CDH4: variants seen among roughly 807,000 people sequenced by gnomAD.
The protein encoded by CDH4 is cadherin-4.
CDH4 carries 33 observed loss-of-function variants against 86.0 expected under a neutral mutation model. That is an observed-to-expected ratio of 0.38 (90% CI 0.29 to 0.51). CDH4 has a LOEUF of 0.51. Ranked by LOEUF, CDH4 falls within the 20% of genes least tolerant of loss-of-function variation. The pLI is 0.86. For missense variants in CDH4, 1,114 were observed against 1,307.4 expected, an observed-to-expected ratio of 0.85 and a Z score of 2.28; for synonymous variants, 555 against 549.4, an observed-to-expected ratio of 1.01 and a Z score of -0.14.
chr20:61,913,198 G>A (rs2054869723), intron 9 of CDH4, among the ~76,000 whole-genome samples: 1 of 152,158 alleles, frequency 6.6e-6, no homozygotes, highest in Non-Finnish European at 1.5e-5. Context: ...TTCTGTAGCT[G>A]GAGCACACAC....
intron 5 of CDH4, among the ~76,000 whole-genome samples, chr20:61,847,754 A>AGG: frequency 6.6e-6 from 1 of 152,142 alleles, no homozygotes; most frequent in Non-Finnish European, 1.5e-5. Context: ...GAGAAAGTGA[A>AGG]GGGGAGCAGA....
intron 2 of CDH4, among the ~76,000 whole-genome samples, chr20:61,394,288 C>T (rs2145470192): frequency 6.6e-6 from 1 of 152,280 alleles, no homozygotes; most frequent in East Asian, 1.9e-4. Context: ...GCATCTCCTG[C>T]CATCCAGGAC....
At chr20:61,761,497 G>T (rs908831497) in intron 3 of CDH4, among the ~76,000 whole-genome samples, 1 of 152,178 alleles carries the variant, frequency 6.6e-6, no homozygotes, top group African/African-American at 2.4e-5. Context: ...GTGTGTGTGT[G>T]GCTGGGGTCA....
At chr20:61,382,240 T>C (rs1048877192) in intron 2 of CDH4, among the ~76,000 whole-genome samples, 4 of 152,218 alleles carry the variant, frequency 2.6e-5, no homozygotes, top group Admixed American at 6.5e-5. Flanking sequence ...TTGATGCCTA[T>C]TGACTGCCTG....
chr20:61,615,487 A>G (rs2086718054), intron 2 of CDH4, among the ~76,000 whole-genome samples: 1 of 152,240 alleles, frequency 6.6e-6, no homozygotes, highest in South Asian at 2.1e-4. Flanking sequence ...GAAGCATCAG[A>G]GTGCCCACGT....
chr20:61,325,482 G>T (rs955210082), intron 2 of CDH4, among the ~76,000 whole-genome samples: 1 of 151,976 alleles, frequency 6.6e-6, no homozygotes, highest in African/African-American at 2.4e-5. Context: ...TTTCTTGAGA[G>T]ATGTCAGAAC....
At chr20:61,567,320 C>T (rs1047045447) in intron 2 of CDH4, among the ~76,000 whole-genome samples, 16 of 152,168 alleles carry the variant, frequency 1.1e-4, no homozygotes, top group African/African-American at 3.6e-4. Flanking sequence ...TTAGAAATAA[C>T]AGAAATGTAC....
intron 3 of CDH4, among the ~76,000 whole-genome samples, chr20:61,770,322 T>C (rs576881148): frequency 1.3e-5 from 2 of 152,334 alleles, no homozygotes; most frequent in Admixed American, 1.3e-4. Context: ...GGGCAGCCTG[T>C]GGTCAGATGC....
At chr20:61,637,117 G>C (rs545726729) in intron 2 of CDH4, among the ~76,000 whole-genome samples, 1 of 152,310 alleles carries the variant, frequency 6.6e-6, no homozygotes, top group South Asian at 2.1e-4. Flanking sequence ...TTTTCTTCAA[G>C]TTCTGCTTTT....
At chr20:61,936,425 C>A (rs1395138187) in intron 15 of CDH4, among the ~76,000 whole-genome samples, 1 of 52,412 alleles carries the variant, frequency 1.9e-5, no homozygotes, top group Non-Finnish European at 3.8e-5. Flanking sequence ...CACACCCCCC[C>A]CCCCATCTGC....
chr20:61,645,005 C>T (rs1035681290), intron 2 of CDH4, among the ~76,000 whole-genome samples: 4 of 152,204 alleles, frequency 2.6e-5, no homozygotes, highest in East Asian at 3.8e-4. Context: ...GCTCACATGG[C>T]GGGCGAGCTC....
In CDH4 at chr20:61,332,317, C is replaced by G. The variant is rs928243175; in HGVS notation, c.169+77380C>G. Among the ~76,000 whole-genome samples, 7 of 152,322 alleles carry G rather than the reference C, an allele frequency of 4.6e-5. No individual in the cohort carries two copies. In the South Asian group the frequency reaches 1.4e-3, roughly 32 times the overall value. Reference sequence around the variant, plus strand: ...GGCTATGGATTCAGAGCTGGCCAAGCCAGGCTGTTTCCCTAGAGAGTCCGG... The same window carrying G: ...GGCTATGGATTCAGAGCTGGCCAAGGCAGGCTGTTTCCCTAGAGAGTCCGG... On this transcript the variant is annotated intron_variant, in intron 2 of 15. Transcript: ENST00000614565.
chr20:61,914,837 G>A (rs1322166312), intron 9 of CDH4, among the ~76,000 whole-genome samples: 1 of 152,178 alleles, frequency 6.6e-6, no homozygotes, highest in African/African-American at 2.4e-5. Flanking sequence ...TGGGCACAAG[G>A]AGGAGCAAAC....
chr20:61,665,912 C>T (rs1456241673), intron 2 of CDH4, among the ~76,000 whole-genome samples: 4 of 152,124 alleles, frequency 2.6e-5, no homozygotes, highest in East Asian at 1.9e-4. Context: ...GCGGTGGGAC[C>T]GAGGGGCACC....
At position 61,386,752 on chromosome 20, in the gene CDH4, C is replaced by G. The variant is rs1189030774; in HGVS notation, c.169+131815C>G. On this transcript the variant is annotated intron_variant, in intron 2 of 15. Transcript: ENST00000614565. The stretch of plus-strand genomic sequence containing the variant: ...AGCACTCATCACTGTGCCTAGCACA[C>G]CGTCAGGTAAACCATTGCTGTCCTC... Among the ~76,000 whole-genome samples the G allele has an allele frequency of 1.2e-4, 19 of 152,372 alleles. No individual in the cohort carries two copies. The East Asian group carries it at 2.9e-3, about 23-fold the overall frequency.
intron 2 of CDH4, among the ~76,000 whole-genome samples, chr20:61,556,029 C>T (rs891143609): frequency 2.0e-5 from 3 of 152,164 alleles, no homozygotes; most frequent in Non-Finnish European, 4.4e-5. Flanking sequence ...CTCTCTGCTC[C>T]GGTGCACCCC....
intron 2 of CDH4, among the ~76,000 whole-genome samples, chr20:61,699,423 C>T (rs1255424441): frequency 6.6e-6 from 1 of 152,218 alleles, no homozygotes; most frequent in African/African-American, 2.4e-5. Context: ...GCGGGCACAG[C>T]CAGCTGCCCC....
chr20:61,936,952 G>T lies in CDH4; in HGVS notation c.*9G>T, dbSNP rs558808634. The T allele has an allele frequency of 6.4e-7, 1 of 1,551,628 alleles. No individual in the cohort carries two copies. Among genetic ancestry groups the T allele is most frequent in the Non-Finnish European group, 8.7e-7 (1 of 1,146,194 alleles). On this transcript the variant is annotated 3_prime_UTR_variant, in exon 16 of 16. Coordinates refer to ENST00000614565, the MANE Select transcript of CDH4 (RefSeq NM_001794.5). ...GTGGTGAAGAGGATTGACTGACCTC[G>T]CATCTTCGGACCGAAGTGAGAGCCG...
chr20:61,719,386 C>T (rs548052678), intron 2 of CDH4: 1 of 308,850 alleles, frequency 3.2e-6, no homozygotes, highest in East Asian at 8.0e-5. Context: ...CTGTTTTTCC[C>T]CTGGAAGAGC....
Sources: allele counts gnomAD v4.1 joint callset (sites outside exome capture counted in the v4.1 genomes callset), GRCh38; gene constraint gnomAD v4.1.1; transcripts MANE v1.5; gene names NCBI Gene and HGNC (gene_info 2026-07-23, HGNC 2026-07-21).